MMP2: variants seen among roughly 807,000 people sequenced by gnomAD.
MMP2 encodes matrix metallopeptidase 2, also known as 72 kDa type IV collagenase.
MMP2 carries 39 observed loss-of-function variants against 74.8 expected under a neutral mutation model. The observed-to-expected ratio is 0.52, with a 90% CI of 0.40 to 0.68. The LOEUF (loss-of-function observed/expected upper bound fraction) is 0.68, where lower values mean the gene tolerates loss of function less well. Among genes scored for constraint, MMP2 ranks in the 30% least tolerant of loss-of-function variants. MMP2 has a pLI of 0.00. For synonymous variants in MMP2, 367 were observed against 339.8 expected, an observed-to-expected ratio of 1.08 and a Z score of -0.88; for missense variants, 803 against 878.3, an observed-to-expected ratio of 0.91 and a Z score of 1.08.
intron 5 of MMP2, among the ~76,000 whole-genome samples, chr16:55,486,364 T>C (rs62026819): frequency 6.8e-5 from 5 of 73,068 alleles, no homozygotes; most frequent in African/African-American, 2.0e-4. Context: ...TGTGTGTGTG[T>C]GTGTGTGTGT....
intron 6 of MMP2, 70 bp downstream of exon 6, chr16:55,488,786 A>G (rs1456601519): frequency 2.0e-6 from 3 of 1,489,122 alleles, no homozygotes; most frequent in African/African-American, 2.8e-5. Context: ...AACCCATAAG[A>G]CTCCGAGTGC....
intron 9 of MMP2, among the ~76,000 whole-genome samples, chr16:55,495,323 C>A (rs1962505786): frequency 6.6e-6 from 1 of 152,214 alleles, no homozygotes; most frequent in Admixed American, 6.5e-5. Flanking sequence ...ATGCAGAGCC[C>A]AGACCCAGGC....
intron 11 of MMP2, among the ~76,000 whole-genome samples, chr16:55,502,564 T>A (rs1424028407): frequency 6.6e-6 from 1 of 152,176 alleles, no homozygotes; most frequent in African/African-American, 2.4e-5. Context: ...TATGGGGTCA[T>A]CCAAAGTCAT....
At chr16:55,483,210 C>T in intron 2 of MMP2, 75 bp downstream of exon 2, 1 of 1,163,728 alleles carries the variant, frequency 8.6e-7, no homozygotes. Context: ...TGCATTCTCT[C>T]CACTCAGGGG....
intron 5 of MMP2, among the ~76,000 whole-genome samples, chr16:55,486,335 G>GCC (rs1962250060): frequency 4.0e-5 from 5 of 125,702 alleles, no homozygotes; most frequent in Non-Finnish European, 6.7e-5. Context: ...GTGTGTGTGT[G>GCC]TGTGTGTGTG....
intron 11 of MMP2, among the ~76,000 whole-genome samples, chr16:55,502,462 G>A (rs1962690016): frequency 6.6e-6 from 1 of 152,192 alleles, no homozygotes; most frequent in Non-Finnish European, 1.5e-5. Flanking sequence ...TTTACAGCTG[G>A]TAAAACTGTA....
intron 3 of MMP2, among the ~76,000 whole-genome samples, chr16:55,484,814 G>A (rs1962200616): frequency 6.6e-6 from 1 of 152,190 alleles, no homozygotes; most frequent in African/African-American, 2.4e-5. Context: ...TAAAGAGCAG[G>A]GGAAACAATG....
At position 55,491,915 on chromosome 16, in the gene MMP2, G is replaced by A. The variant is rs780391868; in HGVS notation, c.1295G>A (p.Arg432His). 11 of 1,613,222 alleles carry A rather than the reference G, an allele frequency of 6.8e-6. No individual in the cohort carries two copies. The highest frequency in any genetic ancestry group is 2.2e-5 in the South Asian group (2 of 91,060). The change falls in exon 8 of 13, where the codon CGT becomes CAT. Residue 432 changes from arginine (R) to histidine (H), a missense_variant. By Grantham distance (29) the Arg-to-His change is conservative. This residue lies in a region of MMP2 where 555 missense variants were observed against 592.0 expected (regional missense o/e 0.94). Coordinates refer to ENST00000219070, the MANE Select transcript of MMP2 (RefSeq NM_004530.6). ...ATTTACACCTACACCAAGAACTTCC[G>A]TCTGTCCCAGGATGACATCAAGGGC... ...APIYTYTKNFRLSQDDIKGIQ... is the reference protein window; with the variant it reads ...APIYTYTKNFHLSQDDIKGIQ...
intron 12 of MMP2, 54 bp downstream of exon 12, chr16:55,502,942 G>A (rs1962707731): frequency 7.1e-7 from 1 of 1,418,048 alleles, no homozygotes; most frequent in Non-Finnish European, 9.9e-7. Context: ...CCTAGCCAGG[G>A]CCCAGCTCCT....
chr16:55,491,998 G>T, intron 8 of MMP2, 42 bp downstream of exon 8: 2 of 1,402,152 alleles, frequency 1.4e-6, no homozygotes, highest in Non-Finnish European at 2.0e-6. Context: ...GGTGAGGAGG[G>T]GGGAGGTCAT....
chr16:55,498,158 A>T, intron 10 of MMP2, 131 bp from the exon 11 acceptor site: 1 of 1,185,740 alleles, frequency 8.4e-7, no homozygotes, highest in Non-Finnish European at 1.2e-6. Context: ...CACTGCAACC[A>T]GGAGTGAGCA....
chr16:55,496,872 G>C, intron 9 of MMP2, 54 bp from the exon 10 acceptor site: 4 of 1,608,662 alleles, frequency 2.5e-6, no homozygotes, highest in Middle Eastern at 1.8e-4. Flanking sequence ...TGTGTGGTTC[G>C]AGCTGCAGGG....
At position 55,498,353 on chromosome 16, in the gene MMP2, C is replaced by T. The variant is rs377500874; in HGVS notation, c.1674C>T (p.Ser558=). ...GAGGGTACCCCAAGCCACTGACCAG[C>T]CTGGGACTGCCCCCTGATGTCCAGC... ...LERGYPKPLT[S]LGLPPDVQRV... is the part of the protein sequence containing the mutation. The change falls in exon 11 of 13, where the codon AGC becomes AGT. Residue 558 remains serine (S), a synonymous_variant. Coordinates refer to ENST00000219070, the MANE Select transcript of MMP2 (RefSeq NM_004530.6). The T allele has an allele frequency of 3.1e-6, 5 of 1,614,142 alleles. No homozygotes were observed. The highest frequency in any genetic ancestry group is 1.3e-5 in the African/African-American group (1 of 74,954).
rs1252558621 is a variant in MMP2, at chr16:55,494,529, G to A, written c.1472+1236G>A. ...GGGACAGTGGGGTGGGGGGCTGCTA[G>A]ATCAGTGTTCTCAAAGACAGGCGCA... On this transcript the variant is annotated intron_variant, in intron 9 of 12. Transcript: ENST00000219070. Among the ~76,000 whole-genome samples the A allele has an allele frequency of 2.0e-5, 3 of 152,212 alleles. No homozygotes were observed. The East Asian group carries it at 5.8e-4, about 29-fold the overall frequency.
chr16:55,485,480 A>C (rs761084245), intron 4 of MMP2, 53 bp downstream of exon 4: 72 of 1,613,334 alleles, frequency 4.5e-5, no homozygotes, highest in Non-Finnish European at 5.7e-5. Context: ...TCCTCTCTCC[A>C]CTCCATTTGC....
intron 5 of MMP2, chr16:55,487,690 T>A (rs1962293640): frequency 1.3e-5 from 2 of 152,470 alleles, no homozygotes; most frequent in Admixed American, 1.3e-4. Flanking sequence ...GAGACACCAT[T>A]TTTTAGCTTT....
At chr16:55,501,020 G>A (rs1962656459) in intron 11 of MMP2, among the ~76,000 whole-genome samples, 1 of 152,218 alleles carries the variant, frequency 6.6e-6, no homozygotes, top group African/African-American at 2.4e-5. Context: ...CCCTCATGTA[G>A]TTTATAGTAG....
At chr16:55,496,289 A>G (rs1402375722) in intron 9 of MMP2, among the ~76,000 whole-genome samples, 2 of 152,188 alleles carry the variant, frequency 1.3e-5, no homozygotes, top group East Asian at 1.9e-4. Flanking sequence ...GAATGGGGGT[A>G]GGGGACACAG....
chr16:55,483,996 T>C lies in MMP2; in HGVS notation c.381-20T>C. On this transcript the variant is annotated intron_variant, in intron 2 of 12. Coordinates refer to ENST00000219070, the MANE Select transcript of MMP2 (RefSeq NM_004530.6). ...TTATGCACATGCATACACACTCACA[T>C]GCAGTTCTACCACCTCCAGGATCAT... The C allele has an allele frequency of 6.2e-7, 1 of 1,613,744 alleles. No individual in the cohort carries two copies. The highest frequency in any genetic ancestry group is 8.5e-7 in the Non-Finnish European group (1 of 1,179,602).
Sources: allele counts gnomAD v4.1 joint callset (sites outside exome capture counted in the v4.1 genomes callset), GRCh38; gene constraint gnomAD v4.1.1; regional missense constraint gnomAD v4.1.1; transcripts MANE v1.5; gene names NCBI Gene and HGNC (gene_info 2026-07-23, HGNC 2026-07-21).